LUZP2: variants seen among roughly 807,000 people sequenced by gnomAD.
LUZP2 encodes the protein leucine zipper protein 2.
A neutral mutation model predicts 51.6 loss-of-function variants in LUZP2; 52 were observed. The ratio of observed to expected loss-of-function variants is 1.01; its 90% CI spans 0.81 to 1.27. The LOEUF is 1.27. Ranked by LOEUF, LUZP2 falls within the 50% of genes most tolerant of loss-of-function variation. LUZP2 has a pLI of 0.00. For missense variants in LUZP2, 436 were observed against 395.4 expected (o/e 1.10, Z -0.87); for synonymous variants, 154 against 137.3 (o/e 1.12, Z -0.85).
At chr11:24,843,121 A>G (rs1449013816) in intron 5 of LUZP2, among the ~76,000 whole-genome samples, 1 of 152,018 alleles carries the variant, frequency 6.6e-6, no homozygotes, top group African/African-American at 2.4e-5. Flanking sequence ...ACTGTATGAC[A>G]ATCTATCTTA....
intron 5 of LUZP2, among the ~76,000 whole-genome samples, chr11:24,769,234 G>A (rs1334622184): frequency 1.3e-5 from 2 of 152,156 alleles, no homozygotes; most frequent in Non-Finnish European, 2.9e-5. Context: ...GCTGGAGAAA[G>A]CAGGGAGTAG....
intron 1 of LUZP2, among the ~76,000 whole-genome samples, chr11:24,498,727 C>A (rs558628909): frequency 6.6e-5 from 10 of 152,280 alleles, no homozygotes; most frequent in African/African-American, 2.4e-4. Flanking sequence ...TTATGCATCA[C>A]AGTTATTCTT....
At chr11:24,861,375 G>A (rs1851736733) in intron 5 of LUZP2, among the ~76,000 whole-genome samples, 1 of 152,158 alleles carries the variant, frequency 6.6e-6, no homozygotes, top group Non-Finnish European at 1.5e-5. Context: ...GCTAGGAAAT[G>A]TAAGGATGTA....
At chr11:24,836,782 C>T (rs1564965351) in intron 5 of LUZP2, among the ~76,000 whole-genome samples, 1 of 151,690 alleles carries the variant, frequency 6.6e-6, no homozygotes, top group African/African-American at 2.4e-5. Flanking sequence ...AAATATAGTT[C>T]TAGTCTGGAA....
intron 5 of LUZP2, among the ~76,000 whole-genome samples, chr11:24,896,877 T>C (rs909478845): frequency 6.6e-6 from 1 of 152,154 alleles, no homozygotes; most frequent in African/African-American, 2.4e-5. Context: ...ACTCTGTATC[T>C]AGCTAATCTG....
intron 5 of LUZP2, among the ~76,000 whole-genome samples, chr11:24,901,848 T>TA (rs1853290942): frequency 6.6e-6 from 1 of 152,172 alleles, no homozygotes. Context: ...TTGCTATATT[T>TA]AGAGTCGAGT....
At chr11:24,554,642 C>A (rs1401732972) in intron 1 of LUZP2, among the ~76,000 whole-genome samples, 1 of 150,674 alleles carries the variant, frequency 6.6e-6, no homozygotes, top group Non-Finnish European at 1.5e-5. Flanking sequence ...TATATGAAAC[C>A]CCACTAAAAC....
At chr11:25,057,879 G>A (rs72879722) in intron 10 of LUZP2, among the ~76,000 whole-genome samples, 2,627 of 152,128 alleles carry the variant, frequency 0.017, 33 homozygotes, top group Middle Eastern at 0.034. Context: ...TTCTAGAGCT[G>A]CAAGTAGAAA....
intron 1 of LUZP2, among the ~76,000 whole-genome samples, chr11:24,627,925 AT>A (rs991537350): frequency 1.3e-5 from 2 of 152,104 alleles, no homozygotes; most frequent in African/African-American, 4.8e-5. Flanking sequence ...ACATTTACTA[AT>A]TATTATCACA....
chr11:25,036,889 C>G (rs80087350), intron 9 of LUZP2, among the ~76,000 whole-genome samples: 1,745 of 152,148 alleles, frequency 0.011, 35 homozygotes, highest in African/African-American at 0.039. Context: ...TGTTGTCTCT[C>G]TTAGAATATG....
intron 4 of LUZP2, among the ~76,000 whole-genome samples, chr11:24,738,880 G>A (rs1191736276): frequency 6.6e-6 from 1 of 152,088 alleles, no homozygotes; most frequent in African/African-American, 2.4e-5. Flanking sequence ...ACAGGCAGGA[G>A]GGATGGTGTT....
At chr11:24,896,359 C>A (rs1853051016) in intron 5 of LUZP2, among the ~76,000 whole-genome samples, 1 of 152,156 alleles carries the variant, frequency 6.6e-6, no homozygotes, top group African/African-American at 2.4e-5. Context: ...TGGGCGGGGC[C>A]TCAGCGGTCC....
intron 1 of LUZP2, among the ~76,000 whole-genome samples, chr11:24,719,436 C>T (rs1271040684): frequency 1.3e-5 from 2 of 152,200 alleles, no homozygotes; most frequent in Non-Finnish European, 2.9e-5. Flanking sequence ...GACCAATCTT[C>T]CTGCTGAAGT....
At chr11:24,854,554 C>A (rs1051087974) in intron 5 of LUZP2, among the ~76,000 whole-genome samples, 1 of 151,992 alleles carries the variant, frequency 6.6e-6, no homozygotes, top group East Asian at 2.0e-4. Flanking sequence ...GCTTGCTGGG[C>A]TCCATGGGGG....
At chr11:24,939,703 A>G (rs914235829) in intron 7 of LUZP2, among the ~76,000 whole-genome samples, 1 of 152,308 alleles carries the variant, frequency 6.6e-6, no homozygotes, top group South Asian at 2.1e-4. Flanking sequence ...TGTGGTATAT[A>G]TGGAGACAGG....
intron 7 of LUZP2, among the ~76,000 whole-genome samples, chr11:24,950,152 G>A (rs559816439): frequency 6.6e-6 from 1 of 150,960 alleles, no homozygotes; most frequent in South Asian, 2.1e-4. Flanking sequence ...TAGAATATAG[G>A]GTAGTGAGTA....
In LUZP2 at chr11:24,726,301, T is replaced by TA. The variant is rs1308598251; in HGVS notation, c.63-2866dup. 1.1e-4 allele frequency among the ~76,000 whole-genome samples: 17 copies of TA among 152,082 alleles called. No individual in the cohort carries two copies. The South Asian group carries it at 1.7e-3, about 15-fold the overall frequency. On this transcript the variant is annotated intron_variant, in intron 1 of 11. Coordinates refer to ENST00000336930, the MANE Select transcript of LUZP2 (RefSeq NM_001009909.4). ...AATTTTCTTTTAAGAAAAAGGGAGA[T>TA]AAGACAGTCTGGTTTAGGTGAAGGT...
At chr11:24,620,519 T>C (rs2133904984) in intron 1 of LUZP2, among the ~76,000 whole-genome samples, 1 of 152,326 alleles carries the variant, frequency 6.6e-6, no homozygotes, top group South Asian at 2.1e-4. Flanking sequence ...ATTAGCTTCC[T>C]ACACTGCTTA....
chr11:24,545,116 C>T (rs567019764), intron 1 of LUZP2, among the ~76,000 whole-genome samples: 1 of 150,006 alleles, frequency 6.7e-6, no homozygotes, highest in South Asian at 2.1e-4. Context: ...GTCCTTTGCC[C>T]ACTCTTTAAT....
Sources: gnomAD v4.1 joint callset for allele counts (sites outside exome capture counted in the v4.1 genomes callset) on GRCh38, gnomAD v4.1.1 for gene constraint, MANE v1.5 for transcripts, NCBI Gene and HGNC (gene_info 2026-07-23, HGNC 2026-07-21) for gene names.